The following ZNF395 variants were observed in gnomAD, a reference collection of about 807,000 sequenced individuals.
The protein encoded by ZNF395 is zinc finger protein 395, also known as HD gene regulatory region-binding protein 2.
In ZNF395, 20 loss-of-function variants were observed where a neutral mutation model predicts 57.7. That is an observed-to-expected ratio of 0.35 (90% confidence interval 0.24 to 0.50). The LOEUF (loss-of-function observed/expected upper bound fraction) is 0.50, where lower values mean the gene tolerates loss of function less well. Ranked by LOEUF, ZNF395 falls within the 20% of genes least tolerant of loss-of-function variation. ZNF395 has a pLI of 0.97. For synonymous variants in ZNF395, 295 were observed against 275.9 expected (o/e 1.07, Z -0.69); for missense variants, 606 against 671.2 (o/e 0.90, Z 1.07).
intron 1 of ZNF395, among the ~76,000 whole-genome samples, chr8:28,379,792 C>T (rs1802087334): frequency 6.9e-6 from 1 of 145,640 alleles, no homozygotes; most frequent in South Asian, 2.1e-4. Context: ...TTGCAGATGT[C>T]CCCACTGTGG....
chr8:28,357,692 T>G (rs754948775), intron 3 of ZNF395, among the ~76,000 whole-genome samples: 1 of 152,232 alleles, frequency 6.6e-6, no homozygotes, highest in Non-Finnish European at 1.5e-5. Context: ...GAATTTTCAT[T>G]TCCATAGAAC....
chr8:28,372,436 C>T (rs898920724), intron 1 of ZNF395, among the ~76,000 whole-genome samples: 1 of 152,030 alleles, frequency 6.6e-6, no homozygotes, highest in Non-Finnish European at 1.5e-5. Flanking sequence ...TGTGCAAATG[C>T]GGGGGAAATA....
chr8:28,385,546 C>A (rs1361865927), intron 1 of ZNF395: 1 of 150,638 alleles, frequency 6.6e-6, no homozygotes, highest in Non-Finnish European at 1.5e-5. Flanking sequence ...CGCCCGCGGG[C>A]GGAGGGTGTG....
At chr8:28,385,558 C>T (rs1336193787) in intron 1 of ZNF395, among the ~76,000 whole-genome samples, 10 of 150,452 alleles carry the variant, frequency 6.6e-5, no homozygotes, top group Admixed American at 2.6e-4. Context: ...GAGGGTGTGT[C>T]CCTCTGTCCC....
intron 3 of ZNF395, among the ~76,000 whole-genome samples, chr8:28,358,258 C>T (rs562199631): frequency 2.7e-5 from 4 of 148,140 alleles, no homozygotes; most frequent in South Asian, 4.2e-4. Flanking sequence ...TACAGGCATG[C>T]GCCACCATGC....
chr8:28,361,318 G>T, intron 1 of ZNF395, 136 bp from the exon 2 acceptor site: 1 of 752,086 alleles, frequency 1.3e-6, no homozygotes, highest in Non-Finnish European at 2.1e-6. Flanking sequence ...ATTCCTAGTA[G>T]GACAATCGGA....
At position 28,346,583 on chromosome 8, in the gene ZNF395, G is replaced by A. The variant is rs573839824; in HGVS notation, c.*2136C>T. The A allele has an allele frequency of 2.6e-5, 4 of 152,190 alleles. No individual in the cohort carries two copies. Among genetic ancestry groups the A allele is most frequent in the Non-Finnish European group, 4.4e-5 (3 of 68,104 alleles). 9.4% of individuals were successfully genotyped at this position (152,190 alleles called of 1,614,324 possible). A position where few individuals can be genotyped will look rare whatever the true frequency, so the allele number is the denominator to read the frequency against. ...TCTCTTTCCTGCCCTGTATACCAAC[G>A]GCATAAGAAGCCTGCACAAAGAGAA... On this transcript the variant is annotated 3_prime_UTR_variant, in exon 10 of 10. Transcript: ENST00000344423.
At chr8:28,367,039 C>G (rs1306951247) in intron 1 of ZNF395, among the ~76,000 whole-genome samples, 46 of 152,118 alleles carry the variant, frequency 3.0e-4, no homozygotes. Flanking sequence ...AAGCTTCAGA[C>G]ACATGGCACT....
At chr8:28,358,629 G>C (rs1801811147) in intron 3 of ZNF395, among the ~76,000 whole-genome samples, 3 of 152,080 alleles carry the variant, frequency 2.0e-5, no homozygotes, top group African/African-American at 7.2e-5. Context: ...TAGAGTCAAA[G>C]TTTCCCTATG....
intron 1 of ZNF395, among the ~76,000 whole-genome samples, chr8:28,362,211 C>T (rs1335122097): frequency 1.3e-5 from 2 of 152,176 alleles, no homozygotes; most frequent in Non-Finnish European, 2.9e-5. Context: ...GTGCAAGAAT[C>T]TGAACAGGCC....
intron 1 of ZNF395, among the ~76,000 whole-genome samples, chr8:28,361,587 C>T (rs767296128): frequency 1.1e-4 from 17 of 152,138 alleles, no homozygotes; most frequent in Non-Finnish European, 2.2e-4. Context: ...ATTTATTGTA[C>T]CCAAAGGCTG....
chr8:28,364,393 G>A (rs555439009), intron 1 of ZNF395, among the ~76,000 whole-genome samples: 3 of 152,186 alleles, frequency 2.0e-5, no homozygotes, highest in Non-Finnish European at 4.4e-5. Flanking sequence ...GCTCACGCCT[G>A]TAATCCCAAA....
chr8:28,356,820 A>G lies in ZNF395; in HGVS notation c.474-41T>C, dbSNP rs748124351. On this transcript the variant is annotated intron_variant, in intron 3 of 9. Transcript: ENST00000344423. The surrounding 1 kb of genome is among the most constrained non-coding windows in gnomAD (Gnocchi z 4.0). ...TGAGTGGGAAATGTTACTTCCTGGC[A>G]TGGCGGGCCCATGGTCCTTGCAAAA... 3 of 1,535,334 alleles carry G rather than the reference A, an allele frequency of 2.0e-6. No individual in the cohort carries two copies. The highest frequency in any genetic ancestry group is 2.7e-5 in the African/African-American group (2 of 73,150).
At chr8:28,364,653 C>CAA (rs1221074238) in intron 1 of ZNF395, among the ~76,000 whole-genome samples, 70 of 43,522 alleles carry the variant, frequency 1.6e-3, no homozygotes, top group East Asian at 2.1e-3. Flanking sequence ...GACTCCGTCT[C>CAA]AAAAAAAAAA....
At chr8:28,348,970 T>G in intron 9 of ZNF395, 140 bp from the exon 10 acceptor site, 1 of 1,159,992 alleles carries the variant, frequency 8.6e-7, no homozygotes, top group Non-Finnish European at 1.3e-6. Context: ...CCAGAGGCTC[T>G]GAGGACCAAA....
chr8:28,348,837 A>C lies in ZNF395; in HGVS notation c.1431-7T>G, dbSNP rs1215501519. 1 of 1,613,600 alleles carries C rather than the reference A, an allele frequency of 6.2e-7. No individual in the cohort carries two copies. The highest frequency in any genetic ancestry group is 1.1e-5 in the South Asian group (1 of 91,074). ...AGCCTCCCCTCGGGCTTTCCTGCAGAAAGAGAGGAATGCAAATCGAGCCCC... is the reference window on the plus strand; with the variant it reads ...AGCCTCCCCTCGGGCTTTCCTGCAGCAAGAGAGGAATGCAAATCGAGCCCC... On this transcript the variant is annotated splice_region_variant and splice_polypyrimidine_tract_variant and intron_variant, in intron 9 of 9. Transcript: ENST00000344423.
chr8:28,348,725 C>T lies in ZNF395; in HGVS notation c.1536G>A (p.Leu512=), dbSNP rs1488121996. 1 of 1,613,970 alleles carries T rather than the reference C, an allele frequency of 6.2e-7. No homozygotes were observed. The highest frequency in any genetic ancestry group is 8.5e-7 in the Non-Finnish European group (1 of 1,179,934). The change falls in exon 10 of 10, where the codon CTG becomes CTA. Residue 512 remains leucine, a synonymous_variant. Coordinates refer to ENST00000344423, the MANE Select transcript of ZNF395 (RefSeq NM_018660.3). ...CRWKKACQRF[L]D The stretch of plus-strand genomic sequence containing the variant: ...GTAGAACCTGCAGCACAGCTCAGTC[C>T]AGAAAGCGCTGGCAGGCCTTCTTCC...
chr8:28,369,609 C>T (rs915253278), intron 1 of ZNF395, among the ~76,000 whole-genome samples: 2 of 152,242 alleles, frequency 1.3e-5, no homozygotes, highest in South Asian at 2.1e-4. Context: ...CGCTCACTTT[C>T]GGTACCGGGT....
At chr8:28,381,517 G>A (rs1471667968) in intron 1 of ZNF395, among the ~76,000 whole-genome samples, 1 of 152,178 alleles carries the variant, frequency 6.6e-6, no homozygotes, top group Non-Finnish European at 1.5e-5. Context: ...AGTCCCACCT[G>A]TAAACATCAG....
Sources: allele counts gnomAD v4.1 joint callset (sites outside exome capture counted in the v4.1 genomes callset), GRCh38; gene constraint gnomAD v4.1.1; non-coding constraint Gnocchi (gnomAD v3.1); transcripts MANE v1.5; gene names NCBI Gene and HGNC (gene_info 2026-07-23, HGNC 2026-07-21).